INSL6: variants seen among roughly 807,000 people sequenced by gnomAD.
INSL6 encodes insulin like 6, also known as insulin-like peptide INSL6.
INSL6 carries 16 observed loss-of-function variants against 9.4 expected under a neutral mutation model. The observed-to-expected ratio is 1.70, with a 90% CI of 1.15 to 2.59. INSL6 has a LOEUF of 2.59. INSL6 is among the 30% of genes most tolerant of loss of function. INSL6 has a pLI of 0.00. For synonymous variants in INSL6, 154 were observed against 96.9 expected, an observed-to-expected ratio of 1.59 and a Z score of -3.46; for missense variants, 391 against 257.3, an observed-to-expected ratio of 1.52 and a Z score of -3.56.
At chr9:5,047,339 T>C in the INSL6 span, among the ~76,000 whole-genome samples, 1 of 152,226 alleles carries the variant, frequency 6.6e-6, no homozygotes, top group Non-Finnish European at 1.5e-5. Flanking sequence ...ACAGTACCTG[T>C]AGGAAGACAG....
chr9:5,044,070 T>G, the INSL6 span, among the ~76,000 whole-genome samples: 2 of 152,258 alleles, frequency 1.3e-5, no homozygotes, highest in Non-Finnish European at 2.9e-5. Flanking sequence ...TTATACCAAA[T>G]TAGCATTTTC....
chr9:5,182,260 A>T (rs575346616), intron 1 of INSL6, among the ~76,000 whole-genome samples: 1 of 152,174 alleles, frequency 6.6e-6, no homozygotes, highest in African/African-American at 2.4e-5. Flanking sequence ...TTCACATAGC[A>T]ACAATAAGAT....
intron 1 of INSL6, among the ~76,000 whole-genome samples, chr9:5,172,218 G>A (rs1825197980): frequency 6.6e-6 from 1 of 152,100 alleles, no homozygotes; most frequent in South Asian, 2.1e-4. Context: ...GGACAAACGT[G>A]ACAAAAAATA....
intron 2 of INSL6, among the ~76,000 whole-genome samples, chr9:5,140,408 A>G (rs112670667): frequency 5.3e-5 from 8 of 152,232 alleles, no homozygotes; most frequent in South Asian, 4.1e-4. Context: ...ACTCATTTTT[A>G]TTACTTGCAC....
At chr9:5,131,587 G>A (rs765299684) in intron 3 of INSL6, among the ~76,000 whole-genome samples, 14 of 151,786 alleles carry the variant, frequency 9.2e-5, no homozygotes, top group Admixed American at 1.3e-4. Context: ...ACAGGTGCCC[G>A]CCACCACGCC....
chr9:5,107,926 G>A, the INSL6 span: 2 of 152,038 alleles, frequency 1.3e-5, no homozygotes, highest in Non-Finnish European at 2.9e-5. Context: ...ATTTACTTCA[G>A]TGCTAAAAAT....
chr9:5,136,393 C>T (rs939653841), intron 2 of INSL6, among the ~76,000 whole-genome samples: 4 of 152,170 alleles, frequency 2.6e-5, no homozygotes, highest in East Asian at 1.9e-4. Flanking sequence ...CAAACTGAAT[C>T]CAGCAGCACA....
the INSL6 span, among the ~76,000 whole-genome samples, chr9:5,008,140 G>T: frequency 6.6e-6 from 1 of 152,082 alleles, no homozygotes; most frequent in Non-Finnish European, 1.5e-5. Flanking sequence ...TATTTGTTCA[G>T]TACTTTTAAG....
the INSL6 span, among the ~76,000 whole-genome samples, chr9:5,013,678 T>G: frequency 6.6e-6 from 1 of 152,220 alleles, no homozygotes; most frequent in Non-Finnish European, 1.5e-5. Context: ...CCTTTTAAGG[T>G]CCAGCCTATG....
chr9:5,046,869 A>G, the INSL6 span, among the ~76,000 whole-genome samples: 73 of 152,296 alleles, frequency 4.8e-4, no homozygotes, highest in Non-Finnish European at 7.6e-4. Flanking sequence ...CAGAGCTAGT[A>G]TATTTTGGGG....
the INSL6 span, among the ~76,000 whole-genome samples, chr9:5,040,481 G>A: frequency 2.6e-5 from 4 of 152,210 alleles, no homozygotes; most frequent in African/African-American, 9.6e-5. Flanking sequence ...AAACATCTGT[G>A]TGTCAAAGCA....
At chr9:5,065,013 T>A in the INSL6 span, 2 of 1,602,820 alleles carry the variant, frequency 1.2e-6, no homozygotes, top group Non-Finnish European at 1.7e-6. Flanking sequence ...CTTGAAAATA[T>A]ACAAAGCAAC....
chr9:5,073,812 G>C, the INSL6 span: 1 of 1,388,444 alleles, frequency 7.2e-7, no homozygotes, highest in Non-Finnish European at 1.0e-6. Context: ...GCTTTCTAAT[G>C]CCTTTCTCAG....
chr9:5,039,785 C>T, the INSL6 span, among the ~76,000 whole-genome samples: 1 of 152,072 alleles, frequency 6.6e-6, no homozygotes, highest in African/African-American at 2.4e-5. Context: ...AAAATGTATA[C>T]ACTGAGAAAT....
At chr9:5,153,560 T>A (rs970820700) in intron 2 of INSL6, among the ~76,000 whole-genome samples, 12 of 152,230 alleles carry the variant, frequency 7.9e-5, no homozygotes, top group African/African-American at 2.4e-4. Flanking sequence ...GATGACATGA[T>A]TGTATATTTA....
intron 3 of INSL6, chr9:5,126,039 A>T (rs546660995): frequency 2.8e-5 from 6 of 217,278 alleles, no homozygotes; most frequent in Non-Finnish European, 5.4e-5. Context: ...TGATAAAAAT[A>T]TGAGTTTTTT....
In INSL6 at chr9:5,126,384, C is replaced by T. The variant is rs762830653; in HGVS notation, c.*11-1873G>A. The T allele has an allele frequency of 3.7e-6, 6 of 1,610,734 alleles. No individual in the cohort carries two copies. In the South Asian group the frequency reaches 6.6e-5, roughly 18 times the overall value. On this transcript the variant is annotated intron_variant, in intron 3 of 3. Coordinates refer to the INSL6 transcript ENST00000649639. ...CAAACAAGGACAGATGATCGTGTTC[C>T]ATTTGATAGAACTTTTGAAGAATAA... is the stretch of plus-strand genomic sequence containing the variant.
chr9:5,048,106 C>G, the INSL6 span, among the ~76,000 whole-genome samples: 4 of 152,076 alleles, frequency 2.6e-5, no homozygotes, highest in Non-Finnish European at 4.4e-5. Flanking sequence ...ATAGAATTTC[C>G]ACATGAGCAG....
the INSL6 span, among the ~76,000 whole-genome samples, chr9:5,115,626 G>T: frequency 2.4e-4 from 36 of 152,136 alleles, no homozygotes; most frequent in Non-Finnish European, 3.1e-4. Flanking sequence ...GTTTATTGTG[G>T]CACTTTTCAC....
Sources: gnomAD v4.1 joint callset for allele counts (sites outside exome capture counted in the v4.1 genomes callset) on GRCh38, gnomAD v4.1.1 for gene constraint, MANE v1.5 for transcripts, NCBI Gene and HGNC (gene_info 2026-07-23, HGNC 2026-07-21) for gene names.